ARHGAP18: variants seen among roughly 807,000 people sequenced by gnomAD.
ARHGAP18 encodes Rho GTPase activating protein 18.
ARHGAP18 carries 67 observed loss-of-function variants against 86.2 expected under a neutral mutation model. That is an observed-to-expected ratio of 0.78 (90% CI 0.64 to 0.95). The LOEUF is 0.95. ARHGAP18 is among the 40% of genes least tolerant of loss of function. ARHGAP18 has a pLI of 0.00. For synonymous variants in ARHGAP18, 283 were observed against 280.4 expected, an observed-to-expected ratio of 1.01 and a Z score of -0.09; for missense variants, 691 against 780.4, an observed-to-expected ratio of 0.89 and a Z score of 1.37.
rs1481719616 is a variant in ARHGAP18, at chr6:129,651,030, T to C, written c.114-9012A>G. Among the ~76,000 whole-genome samples the C allele has an allele frequency of 5.3e-5, 8 of 152,150 alleles. No individual in the cohort carries two copies. The East Asian group carries it at 1.5e-3, about 29-fold the overall frequency. On this transcript the variant is annotated intron_variant, in intron 1 of 14. Transcript: ENST00000368149. ...GGCAAGAATCTATGTTTCTTTTTTC[T>C]TTTTTTTCCTCTTAGTATCCCTGGC...
At chr6:129,637,811 G>T (rs142060936) in intron 3 of ARHGAP18, among the ~76,000 whole-genome samples, 30 of 152,312 alleles carry the variant, frequency 2.0e-4, no homozygotes, top group African/African-American at 7.2e-4. Context: ...AATGTGCTGT[G>T]ATTCTGGGGG....
chr6:129,694,083 C>T (rs1774572421), intron 1 of ARHGAP18, among the ~76,000 whole-genome samples: 1 of 152,106 alleles, frequency 6.6e-6, no homozygotes, highest in South Asian at 2.1e-4. Context: ...GCCTAGAATC[C>T]AGACTGGCAT....
At chr6:129,657,429 TAA>T (rs373569721) in intron 1 of ARHGAP18, among the ~76,000 whole-genome samples, 7 of 136,602 alleles carry the variant, frequency 5.1e-5, no homozygotes, top group South Asian at 2.4e-4. Flanking sequence ...TTTTTGAAAT[TAA>T]AAAAAAAAAA....
chr6:129,654,682 G>C (rs1773790342), intron 1 of ARHGAP18, among the ~76,000 whole-genome samples: 1 of 152,204 alleles, frequency 6.6e-6, no homozygotes, highest in Non-Finnish European at 1.5e-5. Flanking sequence ...TTCTGTATCA[G>C]TGTCCCATTC....
At chr6:129,614,090 C>T (rs1211049073) in intron 7 of ARHGAP18, among the ~76,000 whole-genome samples, 1 of 152,112 alleles carries the variant, frequency 6.6e-6, no homozygotes, top group African/African-American at 2.4e-5. Context: ...TCTGAGAACA[C>T]AAGGTTTAAA....
chr6:129,599,461 T>A, intron 11 of ARHGAP18, 105 bp from the exon 12 acceptor site: 1 of 1,058,398 alleles, frequency 9.4e-7, no homozygotes, highest in Non-Finnish European at 1.3e-6. Flanking sequence ...GTAAAGAGTT[T>A]CTCTTTTTGA....
intron 6 of ARHGAP18, among the ~76,000 whole-genome samples, chr6:129,618,304 G>A (rs1789138924): frequency 6.6e-6 from 1 of 152,164 alleles, no homozygotes; most frequent in African/African-American, 2.4e-5. Flanking sequence ...ACCAAAAGTA[G>A]TCACTTAGAA....
At chr6:129,673,344 T>C (rs1045657552) in intron 1 of ARHGAP18, among the ~76,000 whole-genome samples, 8 of 138,180 alleles carry the variant, frequency 5.8e-5, no homozygotes, top group Admixed American at 7.3e-5. Context: ...CAGGACAAAA[T>C]AGTCATGCCA....
In ARHGAP18 at chr6:129,625,261, TATATG is replaced by T. The variant is rs1376696818; in HGVS notation, c.786+4087_786+4091del. Reference sequence around the variant, plus strand: ...ATATATTTATATGTAATATATATGATATATGATATATATTTATATGTAATATATAT... The same window carrying T: ...ATATATTTATATGTAATATATATGATATATATATTTATATGTAATATATAT... On this transcript the variant is annotated intron_variant, in intron 5 of 14. Transcript: ENST00000368149. Among the ~76,000 whole-genome samples, 2 of 86,486 alleles carry T rather than the reference TATATG, an allele frequency of 2.3e-5. 1 individual carries two copies. The highest frequency in any genetic ancestry group is 4.0e-5 in the Non-Finnish European group (2 of 49,666). The allele number at this position is 86,486 out of a possible 152,430, so 56.7% of individuals were successfully genotyped here. A position where few individuals can be genotyped will look rare whatever the true frequency, so the allele number is the denominator to read the frequency against.
In ARHGAP18 at chr6:129,607,950, C is replaced by G; in HGVS notation, c.1225G>C (p.Glu409Gln). 1 of 1,613,506 alleles carries G rather than the reference C, an allele frequency of 6.2e-7. No individual in the cohort carries two copies. The highest frequency in any genetic ancestry group is 2.2e-5 in the East Asian group (1 of 44,878). ...ACACTGAGCAGTGGCTGGGGCAACT[C>G]CCGAATGAAGAGCTTCAGCAGGCTG... is the stretch of plus-strand genomic sequence containing the variant. The part of the protein sequence containing the change: ...AASLLKLFIR[E>Q]LPQPLLSVEY... Residue 409 changes from glutamate to glutamine, a missense_variant, in exon 9 of 15, where the codon GAG (glutamate) becomes CAG (glutamine). Transcript: ENST00000368149.
chr6:129,596,746 A>T (rs1338613880), intron 12 of ARHGAP18: 1 of 152,180 alleles, frequency 6.6e-6, no homozygotes, highest in Non-Finnish European at 1.5e-5. Context: ...AGAGTCAAGA[A>T]ACTACAGCAA....
Position 129,625,082 on chromosome 6 carries a change from G to GATATATGATATATATTATATATT in ARHGAP18, c.786+4270_786+4271insAATATATAATATATATCATATAT, listed in dbSNP as rs1789329821. ...ATATATATTTATATATAATATATAT[G>GATATATGATATATATTATATATT]ATATATGATATATGATATATATTAT... On this transcript the variant is annotated intron_variant, in intron 5 of 14. Coordinates refer to ENST00000368149, the MANE Select transcript of ARHGAP18 (RefSeq NM_033515.3). Among the ~76,000 whole-genome samples, 5 of 74,812 alleles carry GATATATGATATATATTATATATT rather than the reference G, an allele frequency of 6.7e-5. 1 individual carries two copies. Among genetic ancestry groups the GATATATGATATATATTATATATT allele is most frequent in the African/African-American group, 2.6e-4 (5 of 19,366 alleles). The allele number at this position is 74,812 out of a possible 152,430, so 49.1% of individuals were successfully genotyped here.
intron 7 of ARHGAP18, 24 bp downstream of exon 7, chr6:129,616,188 G>A: frequency 6.4e-7 from 1 of 1,570,646 alleles, no homozygotes; most frequent in South Asian, 1.2e-5. Context: ...TTCTCTCTAT[G>A]CTGACCAATC....
chr6:129,644,961 C>G (rs1418842972), intron 1 of ARHGAP18, among the ~76,000 whole-genome samples: 1 of 152,104 alleles, frequency 6.6e-6, no homozygotes, highest in Non-Finnish European at 1.5e-5. Flanking sequence ...TTTGTGATAA[C>G]CTAAAAATAC....
At chr6:129,676,913 CTCTTTT>C (rs1774243905) in intron 1 of ARHGAP18, among the ~76,000 whole-genome samples, 4 of 34,584 alleles carry the variant, frequency 1.2e-4, no homozygotes, top group African/African-American at 3.4e-4. Flanking sequence ...ATTTTTTGTC[CTCTTTT>C]TTTTTTTTTT....
intron 1 of ARHGAP18, among the ~76,000 whole-genome samples, chr6:129,669,142 C>G (rs1774097812): frequency 6.6e-6 from 1 of 151,952 alleles, no homozygotes. Flanking sequence ...TCTCCGTACT[C>G]CAACTGCTGT....
intron 1 of ARHGAP18, among the ~76,000 whole-genome samples, chr6:129,677,593 T>TC (rs1305487197): frequency 1.3e-5 from 2 of 152,190 alleles, no homozygotes; most frequent in Non-Finnish European, 2.9e-5. Flanking sequence ...TTAGATTGTA[T>TC]CTCTTGGTTA....
Position 129,697,221 on chromosome 6 carries a change from T to C in ARHGAP18, c.113+12803A>G, listed in dbSNP as rs113686332. Among the ~76,000 whole-genome samples the C allele has an allele frequency of 8.6e-3, 1,303 of 152,166 alleles. 22 individuals are homozygous for C. The highest frequency in any genetic ancestry group is 0.03 in the African/African-American group (1,251 of 41,498). On this transcript the variant is annotated intron_variant, in intron 1 of 14. Transcript: ENST00000368149. ...AACCAGCACAAGTGCCAAACAAAGGTGTACATGAAGAAGGCTCTGACGACC... is the reference window on the plus strand; with the variant it reads ...AACCAGCACAAGTGCCAAACAAAGGCGTACATGAAGAAGGCTCTGACGACC...
At chr6:129,666,600 C>A (rs767264021) in intron 1 of ARHGAP18, among the ~76,000 whole-genome samples, 2 of 152,192 alleles carry the variant, frequency 1.3e-5, no homozygotes, top group Non-Finnish European at 2.9e-5. Context: ...TCCTGGAGGC[C>A]CCCACTCTGG....
Sources: gnomAD v4.1 joint callset for allele counts (sites outside exome capture counted in the v4.1 genomes callset) on GRCh38, gnomAD v4.1.1 for gene constraint, MANE v1.5 for transcripts, NCBI Gene and HGNC (gene_info 2026-07-23, HGNC 2026-07-21) for gene names.